Variants in ERBB4 observed in about 807,000 individuals in gnomAD.
The protein encoded by ERBB4 is receptor tyrosine-protein kinase erbB-4.
A neutral mutation model predicts 158.0 loss-of-function variants in ERBB4; 42 were observed. That is an observed-to-expected ratio of 0.27 (90% CI 0.21 to 0.34). The LOEUF is 0.34. ERBB4 is among the 10% of genes least tolerant of loss of function. ERBB4 has a pLI of 1.00. For synonymous variants in ERBB4, 583 were observed against 558.7 expected, an observed-to-expected ratio of 1.04 and a Z score of -0.61; for missense variants, 1,333 against 1,624.1, an observed-to-expected ratio of 0.82 and a Z score of 3.08.
intron 3 of ERBB4, among the ~76,000 whole-genome samples, chr2:211,818,590 CACA>C (rs2076927179): frequency 6.6e-6 from 1 of 152,030 alleles, no homozygotes; most frequent in African/African-American, 2.4e-5. Flanking sequence ...TTAAAGGGAG[CACA>C]AAATAAGGCA....
chr2:212,174,181 G>A (rs1048960002), intron 1 of ERBB4, among the ~76,000 whole-genome samples: 1 of 152,080 alleles, frequency 6.6e-6, no homozygotes, highest in African/African-American at 2.4e-5. Context: ...GTTCTATGAT[G>A]TGACTGTTTT....
intron 1 of ERBB4, among the ~76,000 whole-genome samples, chr2:212,349,159 T>G (rs1260932731): frequency 6.6e-6 from 1 of 152,148 alleles, no homozygotes; most frequent in Non-Finnish European, 1.5e-5. Flanking sequence ...TTTACATTTT[T>G]TAGAATAGAA....
intron 16 of ERBB4, among the ~76,000 whole-genome samples, chr2:211,650,018 G>T (rs899858078): frequency 6.6e-6 from 1 of 151,848 alleles, no homozygotes. Flanking sequence ...GAGGTAATAA[G>T]AAAAAGGCAT....
chr2:211,508,997 T>C (rs1028160650), intron 20 of ERBB4, among the ~76,000 whole-genome samples: 3 of 152,008 alleles, frequency 2.0e-5, no homozygotes, highest in Non-Finnish European at 4.4e-5. Context: ...TGGAATACTA[T>C]GCAGCCATAA....
intron 2 of ERBB4, among the ~76,000 whole-genome samples, chr2:212,095,361 T>C (rs1050456532): frequency 1.3e-5 from 2 of 152,198 alleles, no homozygotes; most frequent in Non-Finnish European, 2.9e-5. Context: ...TTCTAAGGAA[T>C]TCATAATAGA....
At chr2:211,514,886 G>A (rs1430287105) in intron 20 of ERBB4, among the ~76,000 whole-genome samples, 2 of 152,166 alleles carry the variant, frequency 1.3e-5, no homozygotes, top group Non-Finnish European at 2.9e-5. Flanking sequence ...TTCAAGTTTT[G>A]CAGCATTTTG....
chr2:211,487,001 G>GT (rs762244991), intron 20 of ERBB4, among the ~76,000 whole-genome samples: 3,030 of 150,934 alleles, frequency 0.02, 100 homozygotes, highest in African/African-American at 0.069. Context: ...TTTTTTTGTA[G>GT]TTTTTTTTAT....
At position 211,562,769 on chromosome 2, in the gene ERBB4, C is replaced by CTTT. The variant is rs367801279; in HGVS notation, c.2302-684_2302-682dup. 1.0e-3 allele frequency among the ~76,000 whole-genome samples: 129 copies of CTTT among 125,696 alleles called. 9 individuals carry two copies. Among genetic ancestry groups the CTTT allele is most frequent in the African/African-American group, 3.9e-3 (110 of 28,292 alleles). The allele number at this position is 125,696 out of a possible 152,430, so 82.5% of individuals were successfully genotyped here. A position where few individuals can be genotyped will look rare whatever the true frequency, so the allele number is the denominator to read the frequency against. On this transcript the variant is annotated intron_variant, in intron 19 of 27. Coordinates refer to ENST00000342788, the MANE Select transcript of ERBB4 (RefSeq NM_005235.3). ...GACTATAAAAATTTGACTACTCCAA[C>CTTT]TTTTTTTTTTTTTTTTTTTTGAGAC...
chr2:212,346,682 TG>T (rs2089018239), intron 1 of ERBB4, among the ~76,000 whole-genome samples: 1 of 152,120 alleles, frequency 6.6e-6, no homozygotes, highest in South Asian at 2.1e-4. Context: ...GGACATAGTA[TG>T]TATTTCTGTT....
At chr2:211,959,683 T>G (rs1014472955) in intron 2 of ERBB4, among the ~76,000 whole-genome samples, 6 of 152,112 alleles carry the variant, frequency 3.9e-5, no homozygotes, top group African/African-American at 1.4e-4. Context: ...ATAGATTACT[T>G]GCAAGGTATA....
intron 1 of ERBB4, among the ~76,000 whole-genome samples, chr2:212,180,450 T>A (rs2081823068): frequency 6.6e-6 from 1 of 151,642 alleles, no homozygotes; most frequent in Non-Finnish European, 1.5e-5. Context: ...ATAACTCCTC[T>A]CCCTTTCCAG....
intron 25 of ERBB4, among the ~76,000 whole-genome samples, chr2:211,394,077 T>C (rs2062860832): frequency 1.3e-5 from 2 of 152,112 alleles, no homozygotes; most frequent in South Asian, 4.1e-4. Flanking sequence ...CAAGAGGATA[T>C]TTCCTTTTAA....
At chr2:211,563,759 C>T (rs780657100) in intron 19 of ERBB4, among the ~76,000 whole-genome samples, 2 of 151,594 alleles carry the variant, frequency 1.3e-5, no homozygotes, top group African/African-American at 2.4e-5. Context: ...ATAGTTTACT[C>T]ACACAGGGAG....
chr2:211,888,378 A>G (rs964394871), intron 3 of ERBB4, among the ~76,000 whole-genome samples: 2 of 152,190 alleles, frequency 1.3e-5, no homozygotes, highest in Non-Finnish European at 2.9e-5. Context: ...AACACATTAC[A>G]TTTCCACTTA....
At chr2:211,435,080 T>C (rs2063820995) in intron 20 of ERBB4, among the ~76,000 whole-genome samples, 1 of 152,216 alleles carries the variant, frequency 6.6e-6, no homozygotes, top group Admixed American at 6.5e-5. Flanking sequence ...GAAATAACTC[T>C]TCAAATTAGA....
At chr2:212,164,468 G>A (rs1467479894) in intron 1 of ERBB4, among the ~76,000 whole-genome samples, 4 of 151,828 alleles carry the variant, frequency 2.6e-5, no homozygotes, top group Non-Finnish European at 5.9e-5. Flanking sequence ...TGCTAATGTA[G>A]AGGTTTCTCA....
intron 3 of ERBB4, among the ~76,000 whole-genome samples, chr2:211,918,102 C>A (rs1403898565): frequency 1.3e-5 from 2 of 152,126 alleles, no homozygotes; most frequent in African/African-American, 2.4e-5. Flanking sequence ...TGGAGGATAT[C>A]ACTCTTCAAA....
chr2:212,042,560 A>G (rs1013571347), intron 2 of ERBB4, among the ~76,000 whole-genome samples: 7 of 152,102 alleles, frequency 4.6e-5, no homozygotes, highest in African/African-American at 1.7e-4. Flanking sequence ...TTTATGCTAC[A>G]TATCAAAAAC....
At chr2:211,767,506 C>T (rs772070990) in intron 4 of ERBB4, among the ~76,000 whole-genome samples, 1 of 152,038 alleles carries the variant, frequency 6.6e-6, no homozygotes, top group Non-Finnish European at 1.5e-5. Flanking sequence ...TAATAAAGAC[C>T]TACCCCAAAC....
Sources: allele counts gnomAD v4.1 joint callset (sites outside exome capture counted in the v4.1 genomes callset), GRCh38; gene constraint gnomAD v4.1.1; transcripts MANE v1.5; gene names NCBI Gene and HGNC (gene_info 2026-07-23, HGNC 2026-07-21).